Variants in MARK3 observed in about 807,000 individuals in gnomAD.
MARK3 encodes the protein microtubule affinity regulating kinase 3.
In MARK3, 46 loss-of-function variants were observed where a neutral mutation model predicts 90.1. The ratio of observed to expected loss-of-function variants is 0.51; its 90% CI spans 0.40 to 0.65. The LOEUF (loss-of-function observed/expected upper bound fraction) is 0.65, where lower values mean the gene tolerates loss of function less well. Ranked by LOEUF, MARK3 falls within the 30% of genes least tolerant of loss-of-function variation. MARK3 has a pLI of 0.00. For missense variants in MARK3, 818 were observed against 947.2 expected (o/e 0.86, Z 1.79); for synonymous variants, 321 against 332.6 (o/e 0.97, Z 0.38).
At chr14:103,419,944 C>T (rs1406146544) in intron 2 of MARK3, among the ~76,000 whole-genome samples, 1 of 151,994 alleles carries the variant, frequency 6.6e-6, no homozygotes, top group African/African-American at 2.4e-5. Context: ...AAGATTGCTT[C>T]TGTGAATAGC....
chr14:103,490,134 A>G (rs1315652999), intron 14 of MARK3: 6 of 152,214 alleles, frequency 3.9e-5, no homozygotes, highest in African/African-American at 1.4e-4. Context: ...CCTGGGCAAC[A>G]TGACAAAACT....
chr14:103,437,106 T>C (rs1041362019), intron 3 of MARK3, among the ~76,000 whole-genome samples: 4 of 147,882 alleles, frequency 2.7e-5, no homozygotes, highest in African/African-American at 1.0e-4. Context: ...AAAAAAAAAA[T>C]TGAGAATAAA....
chr14:103,427,597 A>G (rs531561525), intron 2 of MARK3, among the ~76,000 whole-genome samples: 61 of 151,842 alleles, frequency 4.0e-4, no homozygotes, highest in African/African-American at 1.4e-3. Flanking sequence ...TCTTGATTAT[A>G]TGCTAAACAA....
At chr14:103,439,472 G>A (rs2092797605) in intron 3 of MARK3, among the ~76,000 whole-genome samples, 2 of 152,140 alleles carry the variant, frequency 1.3e-5, no homozygotes, top group Non-Finnish European at 2.9e-5. Flanking sequence ...GCAGTAGTGC[G>A]ATCTCAGCTC....
chr14:103,436,711 T>A (rs2092724778), intron 3 of MARK3, among the ~76,000 whole-genome samples: 1 of 152,156 alleles, frequency 6.6e-6, no homozygotes, highest in Non-Finnish European at 1.5e-5. Flanking sequence ...CTTCTGGGCT[T>A]AAGCAATCCT....
At chr14:103,401,187 T>G (rs1035976078) in intron 1 of MARK3, among the ~76,000 whole-genome samples, 2 of 152,076 alleles carry the variant, frequency 1.3e-5, no homozygotes, top group African/African-American at 4.8e-5. Context: ...AAAAGACAAT[T>G]TAATTTGCTT....
intron 16 of MARK3, 103 bp downstream of exon 16, chr14:103,498,631 C>G: frequency 1.0e-5 from 11 of 1,100,324 alleles, no homozygotes; most frequent in Non-Finnish European, 1.3e-5. Context: ...TCCTTATAAA[C>G]TAAACTTTCT....
At chr14:103,429,728 A>T (rs1052396991) in intron 3 of MARK3, among the ~76,000 whole-genome samples, 1 of 152,208 alleles carries the variant, frequency 6.6e-6, no homozygotes, top group Non-Finnish European at 1.5e-5. Context: ...ATCTTCAGCT[A>T]TCTAAGGATT....
chr14:103,500,536 A>G (rs1054215708), intron 17 of MARK3, among the ~76,000 whole-genome samples: 4 of 152,254 alleles, frequency 2.6e-5, no homozygotes, highest in African/African-American at 9.6e-5. Flanking sequence ...TCTCTTCACA[A>G]GGAATAAAAG....
At chr14:103,498,761 A>C in intron 16 of MARK3, 1 of 270,534 alleles carries the variant, frequency 3.7e-6, no homozygotes, top group Non-Finnish European at 6.8e-6. Context: ...TGCTCTGTGT[A>C]TTTTCTTTCT....
chr14:103,389,287 C>A (rs918853941), intron 1 of MARK3, among the ~76,000 whole-genome samples: 2 of 151,096 alleles, frequency 1.3e-5, no homozygotes, highest in East Asian at 3.9e-4. Context: ...TGGCATGAAC[C>A]TGGGAGGCAG....
intron 14 of MARK3, among the ~76,000 whole-genome samples, chr14:103,482,732 CTT>C (rs1289387668): frequency 6.6e-6 from 1 of 152,112 alleles, no homozygotes; most frequent in Non-Finnish European, 1.5e-5. Context: ...TTCTGATTCT[CTT>C]TTCCTAAAAT....
chr14:103,428,633 A>C (rs1240173761), intron 3 of MARK3, among the ~76,000 whole-genome samples, 193 bp downstream of exon 3: 3 of 152,148 alleles, frequency 2.0e-5, no homozygotes, highest in African/African-American at 7.2e-5. Flanking sequence ...ATTATTTTTA[A>C]ATGTTCTTAA....
At chr14:103,484,063 AT>A (rs1239122436) in intron 14 of MARK3, among the ~76,000 whole-genome samples, 18 of 152,112 alleles carry the variant, frequency 1.2e-4, no homozygotes, top group Admixed American at 1.2e-3. Flanking sequence ...CTACGATTTC[AT>A]ATGCTTTAGA....
Position 103,503,367 on chromosome 14 carries a change from G to A in MARK3, c.*140G>A. On this transcript the variant is annotated 3_prime_UTR_variant, in exon 18 of 18. Coordinates refer to ENST00000429436, the MANE Select transcript of MARK3 (RefSeq NM_001128918.3). ...AAAGTCTGAGGACGAGAGCACGCCT[G>A]GGAGCGAAAGCTGGCCTTTTTTCTA... 1.2e-6 allele frequency: 1 copy of A among 810,020 alleles called. No homozygotes were observed. Among genetic ancestry groups the A allele is most frequent in the Non-Finnish European group, 1.9e-6 (1 of 529,282 alleles). 50.2% of individuals were successfully genotyped at this position (810,020 alleles called of 1,614,324 possible).
chr14:103,481,748 T>C (rs190583775), intron 14 of MARK3, among the ~76,000 whole-genome samples: 12 of 142,974 alleles, frequency 8.4e-5, no homozygotes, highest in South Asian at 6.7e-4. Flanking sequence ...ATGATTGATA[T>C]AGGTATTTCT....
intron 3 of MARK3, among the ~76,000 whole-genome samples, chr14:103,447,814 C>T (rs768714063): frequency 1.3e-5 from 2 of 151,880 alleles, no homozygotes; most frequent in Non-Finnish European, 2.9e-5. Context: ...CTCGCTTTGT[C>T]GCCCAGGCTG....
chr14:103,503,288 A>G lies in MARK3; in HGVS notation c.*61A>G, dbSNP rs1209199369. On this transcript the variant is annotated 3_prime_UTR_variant, in exon 18 of 18. Transcript: ENST00000429436. ...AGTGTTTTCCTGAACACTGATGGAA[A>G]TGTATAGAATAATATTTAGGCAATA... 6.8e-6 allele frequency: 9 copies of G among 1,326,408 alleles called. No homozygotes were observed. The East Asian group carries it at 2.1e-4, about 31-fold the overall frequency. The allele number at this position is 1,326,408 out of a possible 1,614,324, so 82.2% of individuals were successfully genotyped here.
chr14:103,467,248 A>T, intron 11 of MARK3, 57 bp downstream of exon 11: 1 of 783,414 alleles, frequency 1.3e-6, no homozygotes, highest in Non-Finnish European at 2.0e-6. Context: ...GTTTATATAA[A>T]CTGTTTTCTT....
Sources: gnomAD v4.1 joint callset for allele counts (sites outside exome capture counted in the v4.1 genomes callset) on GRCh38, gnomAD v4.1.1 for gene constraint, MANE v1.5 for transcripts, NCBI Gene and HGNC (gene_info 2026-07-23, HGNC 2026-07-21) for gene names.